The following AGTPBP1 variants were observed in gnomAD, a reference collection of about 807,000 sequenced individuals.
AGTPBP1 encodes ATP/GTP binding carboxypeptidase 1.
AGTPBP1 carries 70 observed loss-of-function variants against 143.9 expected under a neutral mutation model. That is an observed-to-expected ratio of 0.49 (90% CI 0.40 to 0.59). The LOEUF is 0.59. AGTPBP1 is among the 20% of genes least tolerant of loss of function. AGTPBP1 has a pLI of 0.00. For synonymous variants in AGTPBP1, 463 were observed against 500.2 expected (o/e 0.93, Z 0.99); for missense variants, 1,229 against 1,464.5 (o/e 0.84, Z 2.62).
intron 19 of AGTPBP1, among the ~76,000 whole-genome samples, chr9:85,591,783 CCTCT>C (rs1319607378): frequency 2.0e-5 from 3 of 152,060 alleles, no homozygotes; most frequent in Non-Finnish European, 2.9e-5. Context: ...TTCATTTTCT[CCTCT>C]CTAATAATTT....
intron 1 of AGTPBP1, among the ~76,000 whole-genome samples, chr9:85,731,213 A>G (rs559400424): frequency 6.6e-6 from 1 of 152,326 alleles, no homozygotes; most frequent in African/African-American, 2.4e-5. Context: ...ACTTCATCTT[A>G]AAGTACTATC....
At chr9:85,611,357 TA>T (rs1466534005) in intron 17 of AGTPBP1, among the ~76,000 whole-genome samples, 1 of 151,414 alleles carries the variant, frequency 6.6e-6, no homozygotes, top group African/African-American at 2.4e-5. Context: ...TCCAACCTCT[TA>T]TTTATGAAAA....
At chr9:85,760,633 G>A in the AGTPBP1 span, among the ~76,000 whole-genome samples, 1 of 152,084 alleles carries the variant, frequency 6.6e-6, no homozygotes, top group African/African-American at 2.4e-5. Flanking sequence ...AATAATAAGA[G>A]CTATTTATGA....
intron 17 of AGTPBP1, among the ~76,000 whole-genome samples, chr9:85,613,948 A>G (rs145294592): frequency 1.7e-3 from 256 of 152,214 alleles, no homozygotes; most frequent in African/African-American, 5.9e-3. Context: ...TAACATGAAT[A>G]TTATTAACAT....
chr9:85,604,355 C>T (rs997961255), intron 17 of AGTPBP1, among the ~76,000 whole-genome samples: 8 of 152,158 alleles, frequency 5.3e-5, no homozygotes, highest in African/African-American at 1.7e-4. Flanking sequence ...TGTATCTCAC[C>T]GAAGGCCACA....
chr9:85,745,817 G>A (rs1231432818), upstream of AGTPBP1, among the ~76,000 whole-genome samples: 1 of 152,206 alleles, frequency 6.6e-6, no homozygotes, highest in East Asian at 1.9e-4. Flanking sequence ...CACTTAGGCA[G>A]ACAGTGAGAG....
the AGTPBP1 span, among the ~76,000 whole-genome samples, chr9:85,798,975 C>A: frequency 6.6e-6 from 1 of 152,084 alleles, no homozygotes. Flanking sequence ...ATTAGGTATA[C>A]CTCCTAATGC....
At chr9:85,784,691 T>A in the AGTPBP1 span, among the ~76,000 whole-genome samples, 1 of 152,176 alleles carries the variant, frequency 6.6e-6, no homozygotes, top group East Asian at 1.9e-4. Context: ...CATTTGCTAG[T>A]TCAGGTTATT....
chr9:85,732,210 CTT>C (rs144655182), intron 1 of AGTPBP1, among the ~76,000 whole-genome samples: 7,667 of 120,114 alleles, frequency 0.064, 185 homozygotes, highest in East Asian at 0.39. Flanking sequence ...GACTATGACC[CTT>C]TTTTTTTTTT....
At chr9:85,794,578 T>G in the AGTPBP1 span, among the ~76,000 whole-genome samples, 1 of 152,200 alleles carries the variant, frequency 6.6e-6, no homozygotes, top group African/African-American at 2.4e-5. Flanking sequence ...GAAGTCGAAG[T>G]GTGAATCCAT....
chr9:85,753,835 C>A, the AGTPBP1 span, among the ~76,000 whole-genome samples: 2 of 152,106 alleles, frequency 1.3e-5, no homozygotes, highest in Admixed American at 1.3e-4. Context: ...CTGAATAAAA[C>A]CTTCAAACAC....
intron 2 of AGTPBP1, among the ~76,000 whole-genome samples, chr9:85,694,771 TC>T (rs1425516487): frequency 6.6e-6 from 1 of 152,138 alleles, no homozygotes; most frequent in African/African-American, 2.4e-5. Flanking sequence ...GCAGCTTGGC[TC>T]CTATGTTCAA....
chr9:85,700,527 G>A (rs2134357234), intron 2 of AGTPBP1, among the ~76,000 whole-genome samples: 1 of 152,274 alleles, frequency 6.6e-6, no homozygotes, highest in East Asian at 1.9e-4. Context: ...AACCCTGCCA[G>A]GTGCCCAAAA....
At chr9:85,567,143 G>C (rs1827160826) in intron 25 of AGTPBP1, among the ~76,000 whole-genome samples, 2 of 152,110 alleles carry the variant, frequency 1.3e-5, no homozygotes, top group African/African-American at 4.8e-5. Context: ...GGGAGTGGGG[G>C]ACTCTACTTA....
rs77571053 is a variant in AGTPBP1, at chr9:85,666,911, T to C, written c.662+2574A>G. ...ACTACTACATTGCTTATCTAAACTG[T>C]ATTACATTAATACAGGCATTGTGCT... On this transcript the variant is annotated intron_variant, in intron 8 of 25. Transcript: ENST00000357081. Among the ~76,000 whole-genome samples, 8 of 152,246 alleles carry C rather than the reference T, an allele frequency of 5.3e-5. No homozygotes were observed. The East Asian group carries it at 1.5e-3, about 29-fold the overall frequency.
intron 3 of AGTPBP1, among the ~76,000 whole-genome samples, chr9:85,692,272 A>AT (rs1255296569): frequency 0.039 from 5,340 of 135,830 alleles, 96 homozygotes; most frequent in Middle Eastern, 0.095. Flanking sequence ...AGAAAGTTTG[A>AT]TTTTTTTTTT....
intron 1 of AGTPBP1, among the ~76,000 whole-genome samples, chr9:85,734,799 C>T (rs1839130741): frequency 6.6e-6 from 1 of 151,910 alleles, no homozygotes; most frequent in Non-Finnish European, 1.5e-5. Flanking sequence ...CATGGGAGGC[C>T]GAGGCAAGTG....
chr9:85,611,042 T>C (rs1830280147), intron 17 of AGTPBP1, among the ~76,000 whole-genome samples: 1 of 151,874 alleles, frequency 6.6e-6, no homozygotes, highest in African/African-American at 2.4e-5. Context: ...ATAGACAACT[T>C]ATCATCAGAA....
chr9:85,786,328 G>A, the AGTPBP1 span: 1 of 1,612,616 alleles, frequency 6.2e-7, no homozygotes, highest in Non-Finnish European at 8.5e-7. Flanking sequence ...GCATATGTTA[G>A]GTAATGAGAA....
Sources: gnomAD v4.1 joint callset for allele counts (sites outside exome capture counted in the v4.1 genomes callset) on GRCh38, gnomAD v4.1.1 for gene constraint, MANE v1.5 for transcripts, NCBI Gene and HGNC (gene_info 2026-07-23, HGNC 2026-07-21) for gene names.